ZFHX3: variants seen among roughly 807,000 people sequenced by gnomAD.
The protein encoded by ZFHX3 is zinc finger homeobox 3.
In ZFHX3, 42 loss-of-function variants were observed where a neutral mutation model predicts 279.1. The observed-to-expected ratio is 0.15, with a 90% CI of 0.12 to 0.19. ZFHX3 has a LOEUF of 0.19. Among genes scored for constraint, ZFHX3 ranks in the 10% least tolerant of loss-of-function variants. The pLI is 1.00. For missense variants in ZFHX3, 4,981 were observed against 4,754.0 expected, an observed-to-expected ratio of 1.05 and a Z score of -1.40; for synonymous variants, 2,293 against 1,957.8, an observed-to-expected ratio of 1.17 and a Z score of -4.52.
Position 73,127,138 on chromosome 16 carries a change from T to C in ZFHX3, c.-897+3830A>G, listed in dbSNP as rs77780359. On this transcript the variant is annotated intron_variant, in intron 7 of 17. Coordinates refer to the ZFHX3 transcript ENST00000641206. The stretch of plus-strand genomic sequence containing the variant: ...AGCCTGAAGTAAAAGTAGGTGTTTA[T>C]CTCAAGTCATTGCCTCAAATAGCTG... 72 of 325,962 alleles carry C rather than the reference T, an allele frequency of 2.2e-4. No individual in the cohort carries two copies. The East Asian group carries it at 6.1e-3, about 28-fold the overall frequency. 20.2% of individuals were successfully genotyped at this position (325,962 alleles called of 1,614,324 possible). A position where few individuals can be genotyped will look rare whatever the true frequency, so the allele number is the denominator to read the frequency against.
chr16:72,992,068 C>G (rs1453612138), intron 1 of ZFHX3, among the ~76,000 whole-genome samples: 1 of 152,210 alleles, frequency 6.6e-6, no homozygotes, highest in Non-Finnish European at 1.5e-5. Flanking sequence ...GGGGTCTCTT[C>G]CACTCTCAGA....
intron 3 of ZFHX3, among the ~76,000 whole-genome samples, chr16:73,376,737 C>G (rs964483070): frequency 6.6e-6 from 1 of 152,128 alleles, no homozygotes; most frequent in Non-Finnish European, 1.5e-5. Flanking sequence ...TGTGCATCTT[C>G]TGTGTCAATG....
intron 3 of ZFHX3, among the ~76,000 whole-genome samples, chr16:72,898,951 G>A (rs895629807): frequency 6.6e-6 from 1 of 151,348 alleles, no homozygotes; most frequent in Non-Finnish European, 1.5e-5. Context: ...CTCAGAAGCT[G>A]AGGGGGGTAT....
At chr16:73,143,564 G>C (rs1479046989) in intron 6 of ZFHX3, among the ~76,000 whole-genome samples, 1 of 152,172 alleles carries the variant, frequency 6.6e-6, no homozygotes, top group Non-Finnish European at 1.5e-5. Context: ...AATGCACACA[G>C]AAATGCCTGC....
chr16:73,494,267 C>T (rs375807051), intron 2 of ZFHX3, among the ~76,000 whole-genome samples: 58 of 152,172 alleles, frequency 3.8e-4, no homozygotes, highest in African/African-American at 1.1e-3. Flanking sequence ...AGCTGGTTTA[C>T]GTAAAGCAAA....
chr16:73,891,655 G>A (rs1255289675), exon 1 of ZFHX3: 1 of 151,980 alleles, frequency 6.6e-6, no homozygotes, highest in Admixed American at 6.6e-5. Context: ...CCTTACCTCA[G>A]CTAGCTTGCT....
chr16:73,043,260 T>C (rs1965179988), intron 1 of ZFHX3, among the ~76,000 whole-genome samples: 1 of 152,134 alleles, frequency 6.6e-6, no homozygotes, highest in Non-Finnish European at 1.5e-5. Context: ...CCCCACACAG[T>C]AATCCTCATG....
At chr16:73,448,172 A>G (rs192168580) in intron 3 of ZFHX3, among the ~76,000 whole-genome samples, 5 of 152,350 alleles carry the variant, frequency 3.3e-5, no homozygotes, top group Non-Finnish European at 7.3e-5. Flanking sequence ...ACTTCTTCAC[A>G]TTAAGCCAGG....
At chr16:72,852,099 A>C (rs1225154777) in intron 4 of ZFHX3, among the ~76,000 whole-genome samples, 1 of 152,206 alleles carries the variant, frequency 6.6e-6, no homozygotes, top group Non-Finnish European at 1.5e-5. Flanking sequence ...AAATTGTCTA[A>C]AACAAAATAT....
At chr16:73,615,200 G>A (rs1234934080) in intron 2 of ZFHX3, among the ~76,000 whole-genome samples, 1 of 150,902 alleles carries the variant, frequency 6.6e-6, no homozygotes, top group African/African-American at 2.4e-5. Context: ...GTTTAGCCTA[G>A]AAGAAAGGAG....
intron 3 of ZFHX3, among the ~76,000 whole-genome samples, chr16:72,892,643 G>A (rs2038801998): frequency 6.6e-6 from 1 of 151,984 alleles, no homozygotes; most frequent in African/African-American, 2.4e-5. Flanking sequence ...GAGTAGCTGG[G>A]ACTACAGGCA....
At chr16:73,057,397 A>G (rs1352713890) in intron 1 of ZFHX3, among the ~76,000 whole-genome samples, 5 of 152,118 alleles carry the variant, frequency 3.3e-5, no homozygotes, top group Non-Finnish European at 7.4e-5. Context: ...ACTTAGATCT[A>G]CTCTCCAATA....
intron 5 of ZFHX3, among the ~76,000 whole-genome samples, chr16:73,158,782 A>T (rs1967156969): frequency 6.6e-6 from 1 of 152,316 alleles, no homozygotes; most frequent in South Asian, 2.1e-4. Context: ...CTGCACAACC[A>T]CAACCATCTG....
At chr16:73,277,721 C>G (rs2014337075) in intron 4 of ZFHX3, among the ~76,000 whole-genome samples, 1 of 152,186 alleles carries the variant, frequency 6.6e-6, no homozygotes, top group Non-Finnish European at 1.5e-5. Context: ...TGAGTCCATT[C>G]TCGCATTGCT....
chr16:73,061,849 A>T (rs1183855697), upstream of ZFHX3: 1 of 152,194 alleles, frequency 6.6e-6, no homozygotes, highest in Non-Finnish European at 1.5e-5. Flanking sequence ...TTCTTATATA[A>T]AACGGTGCGG....
chr16:73,447,118 T>C (rs1251729987), intron 3 of ZFHX3, among the ~76,000 whole-genome samples: 1 of 150,664 alleles, frequency 6.6e-6, no homozygotes, highest in Non-Finnish European at 1.5e-5. Context: ...GATGCGGAGC[T>C]TGCAGTCAGC....
rs569341836 is a variant in ZFHX3 at position 73,699,657 on chromosome 16, C to T, written c.-1607-19417G>A. ...AGTGTATTAATTCATTTAATCTGCT[C>T]AACAACCCTATGAAGCTGACACTGT... On this transcript the variant is annotated intron_variant, in intron 1 of 17. Transcript: ENST00000641206. Among the ~76,000 whole-genome samples the T allele has an allele frequency of 6.6e-5, 10 of 152,296 alleles. No individual in the cohort carries two copies. In the South Asian group the frequency reaches 1.9e-3, roughly 28 times the overall value.
chr16:73,105,410 C>CACACACACACATATATATATAT lies in ZFHX3; in HGVS notation c.-896-11813_-896-11812insATATATATATATGTGTGTGTGT, dbSNP rs1200521848. Among the ~76,000 whole-genome samples, 37 of 116,944 alleles carry CACACACACACATATATATATAT rather than the reference C, an allele frequency of 3.2e-4. 2 individuals are homozygous for CACACACACACATATATATATAT. Among genetic ancestry groups the CACACACACACATATATATATAT allele is most frequent in the East Asian group, 1.0e-3 (4 of 3,900 alleles). 76.7% of individuals were successfully genotyped at this position (116,944 alleles called of 152,430 possible). A position where few individuals can be genotyped will look rare whatever the true frequency, so the allele number is the denominator to read the frequency against. On this transcript the variant is annotated intron_variant, in intron 7 of 17. Coordinates refer to the ZFHX3 transcript ENST00000641206. Reference sequence around the variant, plus strand: ...ACACACACACATATATATATATATACACACACACATATATATATATATACA... The same window carrying CACACACACACATATATATATAT: ...ACACACACACATATATATATATATACACACACACACATATATATATATACACACACATATATATATATATACA...
Position 73,840,546 on chromosome 16 carries a change from G to T in ZFHX3, c.-1608+51105C>A, listed in dbSNP as rs186059458. Among the ~76,000 whole-genome samples, 166 of 152,244 alleles carry T rather than the reference G, an allele frequency of 1.1e-3. No homozygotes were observed. The Middle Eastern group carries it at 0.014, about 12-fold the overall frequency. ...ATGTCCTTTGATATAGAACCTTCTA[G>T]TACCATGGTCTGATTAAGAAGGATT... On this transcript the variant is annotated intron_variant, in intron 1 of 17. Transcript: ENST00000641206.
Sources: gnomAD v4.1 joint callset for allele counts (sites outside exome capture counted in the v4.1 genomes callset) on GRCh38, gnomAD v4.1.1 for gene constraint, MANE v1.5 for transcripts, NCBI Gene and HGNC (gene_info 2026-07-23, HGNC 2026-07-21) for gene names.